ASTN2: variants seen among roughly 807,000 people sequenced by gnomAD.
The protein encoded by ASTN2 is astrotactin 2.
Under a neutral mutation model 139.8 loss-of-function variants are expected in ASTN2, and 54 were observed. The observed-to-expected ratio is 0.39, with a 90% CI of 0.31 to 0.48. ASTN2 has a LOEUF of 0.48. Among genes scored for constraint, ASTN2 ranks in the 20% least tolerant of loss-of-function variants. The pLI is 0.95. For synonymous variants in ASTN2, 756 were observed against 719.5 expected, an observed-to-expected ratio of 1.05 and a Z score of -0.81; for missense variants, 1,565 against 1,725.1, an observed-to-expected ratio of 0.91 and a Z score of 1.64.
At chr9:117,164,949 G>A (rs1420348261) in intron 3 of ASTN2, among the ~76,000 whole-genome samples, 2 of 152,000 alleles carry the variant, frequency 1.3e-5, no homozygotes, top group South Asian at 4.2e-4. Context: ...TTCTTATTAT[G>A]GCCATTTTAC....
chr9:116,837,076 G>T (rs1295421723), intron 11 of ASTN2, among the ~76,000 whole-genome samples: 5 of 152,164 alleles, frequency 3.3e-5, no homozygotes. Flanking sequence ...GAGGAATAAA[G>T]TGATTTTGTT....
intron 20 of ASTN2, among the ~76,000 whole-genome samples, chr9:116,445,064 A>C (rs1042407971): frequency 6.6e-6 from 1 of 152,220 alleles, no homozygotes; most frequent in Admixed American, 6.5e-5. Context: ...GCTAGCATGC[A>C]TGACTCATAG....
intron 10 of ASTN2, among the ~76,000 whole-genome samples, chr9:116,895,765 G>A (rs1411975166): frequency 6.6e-6 from 1 of 152,136 alleles, no homozygotes; most frequent in East Asian, 1.9e-4. Context: ...AAGAGCAGAG[G>A]GAGGAGAAAC....
chr9:116,896,405 T>G (rs1265371084), intron 10 of ASTN2, among the ~76,000 whole-genome samples: 1 of 152,166 alleles, frequency 6.6e-6, no homozygotes, highest in Non-Finnish European at 1.5e-5. Context: ...GGCATTATCT[T>G]GGCCTACTCC....
chr9:117,206,143 G>C (rs943600659), intron 3 of ASTN2, among the ~76,000 whole-genome samples: 2 of 152,164 alleles, frequency 1.3e-5, no homozygotes, highest in African/African-American at 4.8e-5. Context: ...GATTTGACCT[G>C]AGTGTCGTCG....
In ASTN2 at chr9:117,130,962, T is replaced by C. The variant is rs1205323895; in HGVS notation, c.1168+10364A>G. The stretch of plus-strand genomic sequence containing the variant: ...GGCAGTCTATCTCATATCCTCACTA[T>C]GTTTAATCATGTATATCTCAATCAT... On this transcript the variant is annotated intron_variant, in intron 4 of 22. Coordinates refer to ENST00000313400, the MANE Select transcript of ASTN2 (RefSeq NM_001365068.1). Among the ~76,000 whole-genome samples, 5 of 152,226 alleles carry C rather than the reference T, an allele frequency of 3.3e-5. No individual in the cohort carries two copies. The East Asian group carries it at 9.6e-4, about 29-fold the overall frequency.
chr9:116,474,594 C>T (rs1168532065), intron 20 of ASTN2, among the ~76,000 whole-genome samples: 2 of 152,076 alleles, frequency 1.3e-5, no homozygotes, highest in Non-Finnish European at 2.9e-5. Context: ...TGGAGATGGG[C>T]ATAGGGGGAA....
At chr9:117,167,687 C>T (rs1588035687) in intron 3 of ASTN2, among the ~76,000 whole-genome samples, 1 of 152,006 alleles carries the variant, frequency 6.6e-6, no homozygotes, top group Non-Finnish European at 1.5e-5. Context: ...CTATGATAAA[C>T]CAGGCTCTGA....
Position 116,862,534 on chromosome 9 carries a change from T to C in ASTN2, c.2040+1049A>G, listed in dbSNP as rs535742859. On this transcript the variant is annotated intron_variant, in intron 11 of 22. Transcript: ENST00000313400. ...GAGATGTCTCTGGAAAGATGTTCAC[T>C]TGTTTGCTTCATAGACTTCGAAAGC... 7.9e-5 allele frequency among the ~76,000 whole-genome samples: 12 copies of C among 152,326 alleles called. No individual in the cohort carries two copies. The South Asian group carries it at 2.3e-3, about 29-fold the overall frequency.
At chr9:116,761,573 C>A (rs1200972656) in intron 13 of ASTN2, among the ~76,000 whole-genome samples, 2 of 152,068 alleles carry the variant, frequency 1.3e-5, no homozygotes, top group Admixed American at 1.3e-4. Context: ...GAGGGAACAG[C>A]ATGTACAAAG....
At chr9:116,590,459 G>A (rs931799099) in intron 19 of ASTN2, among the ~76,000 whole-genome samples, 2 of 152,216 alleles carry the variant, frequency 1.3e-5, no homozygotes, top group East Asian at 1.9e-4. Context: ...CAATAAGCAC[G>A]GGAAAGGGGC....
At chr9:116,431,279 C>T (rs989776834) in intron 22 of ASTN2, among the ~76,000 whole-genome samples, 8 of 152,090 alleles carry the variant, frequency 5.3e-5, no homozygotes, top group Admixed American at 4.6e-4. Flanking sequence ...CATTCCCATT[C>T]GCCTCCCTCC....
At chr9:117,065,638 C>T (rs1457272155) in intron 5 of ASTN2, among the ~76,000 whole-genome samples, 1 of 152,204 alleles carries the variant, frequency 6.6e-6, no homozygotes, top group Non-Finnish European at 1.5e-5. Context: ...TTGGTCCATA[C>T]AGGTGTTGAG....
intron 19 of ASTN2, among the ~76,000 whole-genome samples, chr9:116,490,303 A>AAAAAAAAAAAAAAAAAT (rs1564314423): frequency 1.9e-5 from 2 of 104,576 alleles, no homozygotes; most frequent in Non-Finnish European, 4.0e-5. Flanking sequence ...AAAAAAAAAA[A>AAAAAAAAAAAAAAAAAT]GGGGGCATTG....
chr9:116,728,994 G>C lies in ASTN2; in HGVS notation c.2624C>G (p.Ala875Gly). ...GCTGCCCAGGCAGTGGTCCTCACCT[G>C]CTGCGAGGGTGATGGTGCTGAGCTT... ...RVKLSTITLA[A>G]GFTNVLKILT... Residue 875 changes from alanine to glycine, a missense_variant and splice_region_variant, in exon 15 of 23, where the codon GCA becomes GGA. Ala to Gly is a moderately conservative substitution (Grantham distance 60). Transcript: ENST00000313400. 1.3e-6 allele frequency: 2 copies of C among 1,580,330 alleles called. No individual in the cohort carries two copies. The highest frequency in any genetic ancestry group is 1.7e-6 in the Non-Finnish European group (2 of 1,161,784).
intron 10 of ASTN2, among the ~76,000 whole-genome samples, chr9:116,892,870 A>C (rs1431805255): frequency 6.6e-6 from 1 of 152,126 alleles, no homozygotes; most frequent in East Asian, 1.9e-4. Context: ...TTAAACAGCA[A>C]ATTTCTTTTG....
chr9:117,186,174 T>G (rs72762224), intron 3 of ASTN2, among the ~76,000 whole-genome samples: 53,136 of 151,886 alleles, frequency 0.35, 9,731 homozygotes, highest in East Asian at 0.7. Context: ...TTTGAAAATT[T>G]TATGCGTAAT....
At chr9:116,644,183 A>G (rs1857479124) in intron 17 of ASTN2, among the ~76,000 whole-genome samples, 1 of 152,124 alleles carries the variant, frequency 6.6e-6, no homozygotes, top group Admixed American at 6.6e-5. Context: ...TTTCTCTTCA[A>G]AGAGTAGTTA....
chr9:117,414,391 T>G lies in ASTN2; in HGVS notation c.442+106A>C. On this transcript the variant is annotated intron_variant, in intron 1 of 22. Coordinates refer to ENST00000313400, the MANE Select transcript of ASTN2 (RefSeq NM_001365068.1). The surrounding 1 kb of genome is among the most constrained non-coding windows in gnomAD (Gnocchi z 4.2). ...CTCCTCTACCCTCTGCCAACCCCACTCGGGGCAGCCCCGGGCAGGGATCCC... is the reference window on the plus strand; with the variant it reads ...CTCCTCTACCCTCTGCCAACCCCACGCGGGGCAGCCCCGGGCAGGGATCCC... 2 of 1,513,488 alleles carry G rather than the reference T, an allele frequency of 1.3e-6. No individual in the cohort carries two copies. Among genetic ancestry groups the G allele is most frequent in the Non-Finnish European group, 1.8e-6 (2 of 1,131,234 alleles). 93.8% of individuals were successfully genotyped at this position (1,513,488 alleles called of 1,614,324 possible).
Sources: gnomAD v4.1 joint callset for allele counts (sites outside exome capture counted in the v4.1 genomes callset) on GRCh38, gnomAD v4.1.1 for gene constraint, Gnocchi (gnomAD v3.1) non-coding constraint, MANE v1.5 for transcripts, NCBI Gene and HGNC (gene_info 2026-07-23, HGNC 2026-07-21) for gene names.